ATXN7L1: variants seen among roughly 807,000 people sequenced by gnomAD.
The protein encoded by ATXN7L1 is ataxin-7-like protein 1.
Under a neutral mutation model 70.8 loss-of-function variants are expected in ATXN7L1, and 15 were observed. The observed-to-expected ratio is 0.21, with a 90% CI of 0.14 to 0.33. ATXN7L1 has a LOEUF of 0.33. ATXN7L1 is among the 10% of genes least tolerant of loss of function. ATXN7L1 has a pLI of 1.00. For missense variants in ATXN7L1, 975 were observed against 1,097.1 expected, an observed-to-expected ratio of 0.89 and a Z score of 1.57; for synonymous variants, 440 against 445.1, an observed-to-expected ratio of 0.99 and a Z score of 0.14.
chr7:105,873,664 T>G (rs900136811), intron 2 of ATXN7L1, among the ~76,000 whole-genome samples: 1 of 152,196 alleles, frequency 6.6e-6, no homozygotes, highest in Admixed American at 6.5e-5. Context: ...ATATGGCTAT[T>G]TTGGTGAAGT....
At chr7:105,839,305 G>A (rs1417428412) in intron 2 of ATXN7L1, among the ~76,000 whole-genome samples, 1 of 151,946 alleles carries the variant, frequency 6.6e-6, no homozygotes, top group Admixed American at 6.5e-5. Context: ...ATGGTTGCCT[G>A]ATGGTTTGGC....
intron 4 of ATXN7L1, among the ~76,000 whole-genome samples, chr7:105,658,886 G>A (rs1801125690): frequency 1.3e-5 from 2 of 152,188 alleles, no homozygotes; most frequent in African/African-American, 4.8e-5. Context: ...GCTCACGCCT[G>A]TAATCCCAGC....
At chr7:105,633,140 T>C (rs1165882654) in intron 7 of ATXN7L1, among the ~76,000 whole-genome samples, 2 of 152,090 alleles carry the variant, frequency 1.3e-5, no homozygotes, top group East Asian at 3.9e-4. Context: ...TATACTCAAA[T>C]AGATTATCAA....
chr7:105,671,622 T>A (rs1231938302), intron 3 of ATXN7L1, among the ~76,000 whole-genome samples: 5 of 152,062 alleles, frequency 3.3e-5, no homozygotes, highest in Non-Finnish European at 7.4e-5. Flanking sequence ...TTCAGGTGGG[T>A]ACAGTGGCTC....
chr7:105,628,831 A>G (rs905341118), intron 7 of ATXN7L1, among the ~76,000 whole-genome samples: 5 of 136,706 alleles, frequency 3.7e-5, no homozygotes, highest in Non-Finnish European at 8.0e-5. Flanking sequence ...AAATAAATAA[A>G]TAAATAAAAT....
At chr7:105,627,539 T>C (rs1795888791) in intron 7 of ATXN7L1, among the ~76,000 whole-genome samples, 1 of 150,650 alleles carries the variant, frequency 6.6e-6, no homozygotes, top group Non-Finnish European at 1.5e-5. Flanking sequence ...CTAGGCCTTT[T>C]TTTTTTTTTT....
chr7:105,836,099 C>T (rs201227185), intron 2 of ATXN7L1, among the ~76,000 whole-genome samples: 25 of 152,190 alleles, frequency 1.6e-4, no homozygotes, highest in East Asian at 7.7e-4. Context: ...AAAAGTAGAA[C>T]GGTGACAGCC....
rs962490183 is a variant in ATXN7L1, at chr7:105,760,376, G to C, written c.355+28228C>G. 8.5e-6 allele frequency: 8 copies of C among 946,130 alleles called. No homozygotes were observed. In the Admixed American group the frequency reaches 2.5e-4, roughly 29 times the overall value. 58.6% of individuals were successfully genotyped at this position (946,130 alleles called of 1,614,324 possible). A position where few individuals can be genotyped will look rare whatever the true frequency, so the allele number is the denominator to read the frequency against. On this transcript the variant is annotated intron_variant, in intron 3 of 11. Coordinates refer to ENST00000419735, the MANE Select transcript of ATXN7L1 (RefSeq NM_020725.2). ...TTTTATATATGAGGAAACAGGCTCTGAGAGGATCTGCAATTTATTTAAAAC... is the reference window on the plus strand; with the variant it reads ...TTTTATATATGAGGAAACAGGCTCTCAGAGGATCTGCAATTTATTTAAAAC...
chr7:105,612,064 A>C (rs138823723), intron 10 of ATXN7L1, among the ~76,000 whole-genome samples: 90 of 152,300 alleles, frequency 5.9e-4, no homozygotes, highest in African/African-American at 1.8e-3. Flanking sequence ...CTCAGCATTT[A>C]CTAAGCATTT....
At chr7:105,807,277 G>C (rs1367212595) in intron 2 of ATXN7L1, among the ~76,000 whole-genome samples, 1 of 152,230 alleles carries the variant, frequency 6.6e-6, no homozygotes, top group Admixed American at 6.5e-5. Context: ...GAAGAACCCA[G>C]GCTTTAGAAA....
rs199706713 is a variant in ATXN7L1 at position 105,714,665 on chromosome 7, GT to G, written c.356-49378del. Among the ~76,000 whole-genome samples, 9 of 125,856 alleles carry G rather than the reference GT, an allele frequency of 7.2e-5. No homozygotes were observed. In the East Asian group the frequency reaches 8.9e-4, roughly 13 times the overall value. The allele number at this position is 125,856 out of a possible 152,430, so 82.6% of individuals were successfully genotyped here. On this transcript the variant is annotated intron_variant, in intron 3 of 11. Transcript: ENST00000419735. ...CATCTGGATAGCTTCTTCTGTTTTT[GT>G]TTTTGTTTTTGTTTTTGAGACAGTC... is the stretch of plus-strand genomic sequence containing the variant.
Position 105,756,423 on chromosome 7 carries a change from G to A in ATXN7L1, c.355+32181C>T, listed in dbSNP as rs1434377541. ...AATATATATATTTCCAATTGGAAGC[G>A]ACCAGGGAATGCTTCTCTTTAATGC... On this transcript the variant is annotated intron_variant, in intron 3 of 11. Coordinates refer to ENST00000419735, the MANE Select transcript of ATXN7L1 (RefSeq NM_020725.2). Among the ~76,000 whole-genome samples, 4 of 152,304 alleles carry A rather than the reference G, an allele frequency of 2.6e-5. 1 individual carries two copies. The highest frequency in any genetic ancestry group is 6.8e-3 in the Middle Eastern group (2 of 294).
intron 2 of ATXN7L1, among the ~76,000 whole-genome samples, chr7:105,839,768 A>G (rs1043851041): frequency 6.6e-6 from 1 of 152,152 alleles, no homozygotes; most frequent in Non-Finnish European, 1.5e-5. Context: ...AGCACCTACT[A>G]TGTGCCAGGC....
At chr7:105,645,674 G>C (rs895886370) in intron 4 of ATXN7L1, among the ~76,000 whole-genome samples, 1 of 151,478 alleles carries the variant, frequency 6.6e-6, no homozygotes, top group East Asian at 1.9e-4. Flanking sequence ...TTAGCCAGGC[G>C]TGGCAGCGGG....
intron 3 of ATXN7L1, among the ~76,000 whole-genome samples, chr7:105,728,330 T>C (rs946115322): frequency 1.1e-4 from 17 of 152,220 alleles, no homozygotes; most frequent in African/African-American, 4.1e-4. Context: ...ATAATTCTCA[T>C]ACTGTTATTC....
intron 3 of ATXN7L1, among the ~76,000 whole-genome samples, chr7:105,732,440 T>C (rs1013670514): frequency 2.0e-5 from 3 of 152,144 alleles, no homozygotes; most frequent in Non-Finnish European, 4.4e-5. Flanking sequence ...ATTACTAATG[T>C]ATATGAATTA....
intron 4 of ATXN7L1, among the ~76,000 whole-genome samples, chr7:105,663,823 T>A (rs1802092720): frequency 6.6e-6 from 1 of 152,140 alleles, no homozygotes; most frequent in African/African-American, 2.4e-5. Flanking sequence ...TGGAGCGCAG[T>A]GGCACAATCT....
intron 3 of ATXN7L1, among the ~76,000 whole-genome samples, chr7:105,774,601 C>T (rs893770462): frequency 6.6e-6 from 1 of 152,106 alleles, no homozygotes; most frequent in Non-Finnish European, 1.5e-5. Context: ...AATCCACCTG[C>T]CTCAGCCTCC....
At chr7:105,789,768 G>C (rs909236697) in intron 2 of ATXN7L1, among the ~76,000 whole-genome samples, 1 of 152,086 alleles carries the variant, frequency 6.6e-6, no homozygotes, top group African/African-American at 2.4e-5. Context: ...AGAAGTACTG[G>C]GGCTTTTTAA....
Sources: allele counts gnomAD v4.1 joint callset (sites outside exome capture counted in the v4.1 genomes callset), GRCh38; gene constraint gnomAD v4.1.1; transcripts MANE v1.5; gene names NCBI Gene and HGNC (gene_info 2026-07-23, HGNC 2026-07-21).